The following B3GLCT variants were observed in gnomAD, a reference collection of about 807,000 sequenced individuals.
B3GLCT encodes the protein beta 3-glucosyltransferase.
A neutral mutation model predicts 63.4 loss-of-function variants in B3GLCT; 65 were observed. The observed-to-expected ratio is 1.03, with a 90% CI of 0.84 to 1.26. The LOEUF (loss-of-function observed/expected upper bound fraction) is 1.26, where lower values mean the gene tolerates loss of function less well. Ranked by LOEUF, B3GLCT falls within the 50% of genes most tolerant of loss-of-function variation. The pLI is 0.00. For missense variants in B3GLCT, 577 were observed against 604.8 expected (o/e 0.95, Z 0.48); for synonymous variants, 233 against 219.2 (o/e 1.06, Z -0.55).
chr13:31,321,115 T>G (rs866720961), intron 13 of B3GLCT, among the ~76,000 whole-genome samples: 1 of 152,258 alleles, frequency 6.6e-6, no homozygotes, highest in South Asian at 2.1e-4. Context: ...TAGGGACTCA[T>G]GTTTTTCAAG....
intron 10 of B3GLCT, among the ~76,000 whole-genome samples, chr13:31,277,401 G>T (rs1481441536): frequency 6.6e-6 from 1 of 150,812 alleles, no homozygotes. Context: ...AAAAAAAAAA[G>T]CCCATCCTAA....
intron 1 of B3GLCT, among the ~76,000 whole-genome samples, chr13:31,201,641 C>A (rs59685603): frequency 0.018 from 2,721 of 152,232 alleles, 89 homozygotes; most frequent in African/African-American, 0.063. Context: ...AATTGGTATT[C>A]TATTTATAGC....
intron 10 of B3GLCT, among the ~76,000 whole-genome samples, chr13:31,279,469 A>G (rs1189559621): frequency 6.6e-6 from 1 of 152,128 alleles, no homozygotes; most frequent in African/African-American, 2.4e-5. Context: ...ACATGTTGGC[A>G]GGTTCTGTGA....
chr13:31,313,357 C>A (rs1338135355), intron 12 of B3GLCT, among the ~76,000 whole-genome samples: 1 of 152,174 alleles, frequency 6.6e-6, no homozygotes, highest in African/African-American at 2.4e-5. Context: ...TGTTGAATGG[C>A]TTTGCCCAAA....
rs577341711 is a variant in B3GLCT, at chr13:31,216,030, T to A, written c.120+930T>A. Among the ~76,000 whole-genome samples the A allele has an allele frequency of 6.6e-5, 10 of 152,350 alleles. No individual in the cohort carries two copies. The South Asian group carries it at 1.9e-3, about 28-fold the overall frequency. On this transcript the variant is annotated intron_variant, in intron 2 of 14. Transcript: ENST00000343307. The stretch of plus-strand genomic sequence containing the variant: ...AGTTGGGCTTTGCACTAGATCAGTT[T>A]AGCATGTAAAAAAGGAAACAGTAGT...
rs1377739902 is a variant in B3GLCT, at chr13:31,229,242, G to A, written c.218G>A (p.Arg73Lys). 1 of 1,613,680 alleles carries A rather than the reference G, an allele frequency of 6.2e-7. No homozygotes were observed. Among genetic ancestry groups the A allele is most frequent in the Non-Finnish European group, 8.5e-7 (1 of 1,179,682 alleles). ...QSQSNSFHAK[R>K]AEQLKKSILK... Reference sequence around the variant, plus strand: ...CAAAGTAATTCTTTTCATGCAAAGAGAGCAGAGCAGTTAAAAAAAAGCATC... The same window carrying A: ...CAAAGTAATTCTTTTCATGCAAAGAAAGCAGAGCAGTTAAAAAAAAGCATC... Residue 73 changes from arginine (R) to lysine (K), a missense_variant, in exon 4 of 15, where the codon AGA becomes AAA. Physicochemically the swap from Arg to Lys is conservative, Grantham distance 26. Coordinates refer to ENST00000343307, the MANE Select transcript of B3GLCT (RefSeq NM_194318.4).
At position 31,317,789 on chromosome 13, in the gene B3GLCT, C is replaced by G; in HGVS notation, c.1184+104C>G. The G allele has an allele frequency of 9.5e-6, 13 of 1,371,198 alleles. No individual in the cohort carries two copies. In the South Asian group the frequency reaches 1.4e-4, roughly 15 times the overall value. The allele number at this position is 1,371,198 out of a possible 1,614,324, so 84.9% of individuals were successfully genotyped here. On this transcript the variant is annotated intron_variant, in intron 13 of 14. Transcript: ENST00000343307. The stretch of plus-strand genomic sequence containing the variant: ...GGGATCTATACTGTACGTGAGTACT[C>G]TGTGAATGGTGGTTGTTACTATAAT...
At position 31,215,219 on chromosome 13, in the gene B3GLCT, T is replaced by G. The variant is rs1037982042; in HGVS notation, c.120+119T>G. On this transcript the variant is annotated intron_variant, in intron 2 of 14. Transcript: ENST00000343307. ...TATTTTTATTGTTACATAATTCATA[T>G]AATGTGGTCAACATGGATTTTGAAT... 2.9e-5 allele frequency: 31 copies of G among 1,085,040 alleles called. No homozygotes were observed. The African/African-American group carries it at 3.3e-4, about 12-fold the overall frequency. 67.2% of individuals were successfully genotyped at this position (1,085,040 alleles called of 1,614,324 possible). A position where few individuals can be genotyped will look rare whatever the true frequency, so the allele number is the denominator to read the frequency against.
At chr13:31,205,804 C>T (rs1172342209) in intron 1 of B3GLCT, among the ~76,000 whole-genome samples, 2 of 152,194 alleles carry the variant, frequency 1.3e-5, no homozygotes, top group East Asian at 3.8e-4. Flanking sequence ...GAGAGGAAAG[C>T]AGTCTTTATC....
chr13:31,247,850 G>T lies in B3GLCT; in HGVS notation c.348-5G>T. ...TGATTACTGAAACTTGTTTCTTTTGGTCAGTTTTTCTGTAACATATAGCAG... is the reference window on the plus strand; with the variant it reads ...TGATTACTGAAACTTGTTTCTTTTGTTCAGTTTTTCTGTAACATATAGCAG... On this transcript the variant is annotated splice_region_variant and splice_polypyrimidine_tract_variant and intron_variant, in intron 5 of 14. Transcript: ENST00000343307. The T allele has an allele frequency of 6.8e-7, 1 of 1,476,608 alleles. No individual in the cohort carries two copies. The allele number at this position is 1,476,608 out of a possible 1,614,324, so 91.5% of individuals were successfully genotyped here.
intron 3 of B3GLCT, among the ~76,000 whole-genome samples, chr13:31,223,324 C>T (rs936982635): frequency 3.9e-5 from 6 of 152,162 alleles, no homozygotes; most frequent in African/African-American, 9.7e-5. Context: ...GAGACATGGT[C>T]CCTGTTATTA....
At chr13:31,203,780 G>A (rs1438254852) in intron 1 of B3GLCT, among the ~76,000 whole-genome samples, 1 of 152,180 alleles carries the variant, frequency 6.6e-6, no homozygotes, top group Non-Finnish European at 1.5e-5. Context: ...AAAGTTGTGA[G>A]TTTCAAGGGT....
At chr13:31,218,923 A>G (rs1869687172) in intron 2 of B3GLCT, among the ~76,000 whole-genome samples, 2 of 123,804 alleles carry the variant, frequency 1.6e-5, no homozygotes, top group South Asian at 5.3e-4. Context: ...GAATTTTATC[A>G]GAAGCCCTTT....
At chr13:31,220,860 G>T (rs2137755304) in intron 2 of B3GLCT, among the ~76,000 whole-genome samples, 1 of 152,338 alleles carries the variant, frequency 6.6e-6, no homozygotes, top group South Asian at 2.1e-4. Flanking sequence ...TTCAGCTTCA[G>T]TTGCTTAGTC....
chr13:31,318,965 C>T (rs1162856332), intron 13 of B3GLCT, among the ~76,000 whole-genome samples: 1 of 152,174 alleles, frequency 6.6e-6, no homozygotes, highest in Non-Finnish European at 1.5e-5. Context: ...AAGACTGGCA[C>T]TCAAGGCCTT....
intron 4 of B3GLCT, among the ~76,000 whole-genome samples, chr13:31,240,476 T>C (rs1870875544): frequency 1.2e-5 from 1 of 80,722 alleles, no homozygotes. Flanking sequence ...AGTTTTTTTT[T>C]TCTTTTTTTT....
intron 14 of B3GLCT, among the ~76,000 whole-genome samples, chr13:31,325,749 T>C (rs1451113788): frequency 6.6e-6 from 1 of 152,258 alleles, no homozygotes; most frequent in Non-Finnish European, 1.5e-5. Flanking sequence ...TTTCCATTTA[T>C]AGTGTTTAAA....
chr13:31,209,367 G>GC, intron 1 of B3GLCT, among the ~76,000 whole-genome samples: 1 of 152,202 alleles, frequency 6.6e-6, no homozygotes. Context: ...GGAGCTTAAG[G>GC]CCCCCTGGAG....
intron 8 of B3GLCT, among the ~76,000 whole-genome samples, chr13:31,273,381 A>T (rs1209523831): frequency 2.0e-5 from 3 of 152,240 alleles, no homozygotes; most frequent in Non-Finnish European, 4.4e-5. Flanking sequence ...GGCGTGAGCC[A>T]CCACGCCCAG....
Sources: gnomAD v4.1 joint callset for allele counts (sites outside exome capture counted in the v4.1 genomes callset) on GRCh38, gnomAD v4.1.1 for gene constraint, MANE v1.5 for transcripts, NCBI Gene and HGNC (gene_info 2026-07-23, HGNC 2026-07-21) for gene names.